EPHB2: variants seen among roughly 807,000 people sequenced by gnomAD.
The protein encoded by EPHB2 is EPH receptor B2, also known as ephrin type-B receptor 2.
EPHB2 carries 18 observed loss-of-function variants against 96.4 expected under a neutral mutation model. The observed-to-expected ratio is 0.19, with a 90% CI of 0.13 to 0.28. EPHB2 has a LOEUF of 0.28. Among genes scored for constraint, EPHB2 ranks in the 10% least tolerant of loss-of-function variants. EPHB2 has a pLI of 1.00. For missense variants in EPHB2, 989 were observed against 1,355.4 expected (o/e 0.73, Z 4.25); for synonymous variants, 506 against 534.1 (o/e 0.95, Z 0.72).
At chr1:22,864,204 C>A (rs1638385241) in intron 4 of EPHB2, among the ~76,000 whole-genome samples, 1 of 152,164 alleles carries the variant, frequency 6.6e-6, no homozygotes, top group African/African-American at 2.4e-5. Context: ...CGCCATCATG[C>A]CCGGCTAATT....
At chr1:22,814,069 G>A (rs771800643) in intron 3 of EPHB2, among the ~76,000 whole-genome samples, 3 of 152,144 alleles carry the variant, frequency 2.0e-5, no homozygotes, top group Non-Finnish European at 4.4e-5. Flanking sequence ...CTACTCAGGA[G>A]GCTGAGGCAG....
intron 3 of EPHB2, among the ~76,000 whole-genome samples, chr1:22,815,024 C>T (rs905501854): frequency 6.6e-6 from 1 of 152,236 alleles, no homozygotes; most frequent in Admixed American, 6.5e-5. Context: ...GCCGTCACCA[C>T]GCTGGGCAGG....
chr1:22,713,558 G>A (rs1050595843), intron 1 of EPHB2, among the ~76,000 whole-genome samples: 1 of 151,986 alleles, frequency 6.6e-6, no homozygotes, highest in Non-Finnish European at 1.5e-5. Context: ...AGGGATGGAC[G>A]GTGCTGCCTG....
intron 3 of EPHB2, among the ~76,000 whole-genome samples, chr1:22,802,972 A>G (rs1316035375): frequency 1.3e-5 from 2 of 152,086 alleles, no homozygotes; most frequent in Admixed American, 6.5e-5. Flanking sequence ...AGTAAGGACT[A>G]TGGGGACCCA....
intron 1 of EPHB2, among the ~76,000 whole-genome samples, chr1:22,716,417 C>T (rs557033374): frequency 1.3e-5 from 2 of 152,204 alleles, no homozygotes; most frequent in Middle Eastern, 3.4e-3. Flanking sequence ...CTGTAACCTC[C>T]GCCTCCCGGG....
intron 3 of EPHB2, among the ~76,000 whole-genome samples, chr1:22,816,070 G>A (rs899299249): frequency 6.6e-6 from 1 of 152,046 alleles, no homozygotes. Context: ...CTATACAATG[G>A]GACTTAGACC....
chr1:22,804,158 T>G (rs537299923), intron 3 of EPHB2, among the ~76,000 whole-genome samples: 24 of 152,168 alleles, frequency 1.6e-4, no homozygotes, highest in Non-Finnish European at 3.2e-4. Flanking sequence ...AGGACCGCAT[T>G]AGACCTTTCC....
At chr1:22,712,608 C>T (rs1225742538) in intron 1 of EPHB2, among the ~76,000 whole-genome samples, 1 of 152,184 alleles carries the variant, frequency 6.6e-6, no homozygotes, top group Non-Finnish European at 1.5e-5. Flanking sequence ...ATGGCAGCCA[C>T]AGTTTCTGGC....
intron 3 of EPHB2, among the ~76,000 whole-genome samples, chr1:22,807,828 G>A (rs1302344676): frequency 3.9e-5 from 6 of 152,168 alleles, no homozygotes; most frequent in Admixed American, 1.3e-4. Context: ...CAAAGGCCAG[G>A]GGCATAAAAG....
chr1:22,804,117 G>A (rs1318026229), intron 3 of EPHB2, among the ~76,000 whole-genome samples: 1 of 152,158 alleles, frequency 6.6e-6, no homozygotes, highest in Non-Finnish European at 1.5e-5. Context: ...CGGTCTCACA[G>A]AGCACATTAA....
At chr1:22,878,418 T>C (rs929771386) in intron 5 of EPHB2, among the ~76,000 whole-genome samples, 1 of 152,242 alleles carries the variant, frequency 6.6e-6, no homozygotes, top group Non-Finnish European at 1.5e-5. Context: ...TGAAAAACAG[T>C]ATGCTTCCTC....
chr1:22,767,795 T>C (rs1644327848), intron 1 of EPHB2, among the ~76,000 whole-genome samples: 1 of 152,192 alleles, frequency 6.6e-6, no homozygotes, highest in African/African-American at 2.4e-5. Context: ...TTCCAGAAGC[T>C]GGCTCTTTAG....
rs777839383 is a variant in EPHB2, at chr1:22,895,570, G to A, written c.1690G>A (p.Val564Met). 33 of 1,614,114 alleles carry A rather than the reference G, an allele frequency of 2.0e-5. No homozygotes were observed. Among genetic ancestry groups the A allele is most frequent in the South Asian group, 3.3e-5 (3 of 91,090 alleles). ...CATTGCTGTGGTTGTCATCGCCATC[G>A]TGTGTAACAGGTGGGTGGGGTCTCC... ...FLIAVVVIAIVCNRRGFERAD... is the reference protein window; with the variant it reads ...FLIAVVVIAIMCNRRGFERAD... The change falls in exon 8 of 16, where the codon GTG becomes ATG. Residue 564 changes from valine to methionine, a missense_variant. Physicochemically the swap from Val to Met is conservative, Grantham distance 21. Coordinates refer to ENST00000374630, the MANE Select transcript of EPHB2 (RefSeq NM_017449.5).
At chr1:22,842,478 C>A (rs1645484244) in intron 3 of EPHB2, among the ~76,000 whole-genome samples, 1 of 152,068 alleles carries the variant, frequency 6.6e-6, no homozygotes, top group South Asian at 2.1e-4. Context: ...CGTGCCTGAA[C>A]CATGGTGCAG....
intron 1 of EPHB2, among the ~76,000 whole-genome samples, chr1:22,768,945 T>C (rs1644342761): frequency 6.6e-6 from 1 of 152,200 alleles, no homozygotes; most frequent in South Asian, 2.1e-4. Flanking sequence ...AAGTCTCCTC[T>C]AACCTCCAGG....
At chr1:22,714,270 C>A (rs984540830) in intron 1 of EPHB2, among the ~76,000 whole-genome samples, 2 of 152,160 alleles carry the variant, frequency 1.3e-5, no homozygotes, top group Admixed American at 6.5e-5. Context: ...AGGGTTATTT[C>A]ATCTTTTATG....
intron 1 of EPHB2, among the ~76,000 whole-genome samples, chr1:22,771,807 A>C (rs1477711010): frequency 6.6e-6 from 1 of 152,184 alleles, no homozygotes; most frequent in East Asian, 1.9e-4. Flanking sequence ...AAAGGCTTTA[A>C]AAATTAAAGA....
chr1:22,874,263 C>T (rs1055773179), intron 5 of EPHB2, among the ~76,000 whole-genome samples: 2 of 152,212 alleles, frequency 1.3e-5, no homozygotes, highest in Non-Finnish European at 2.9e-5. Flanking sequence ...CTTCCTTGCC[C>T]ATTCACAGAG....
chr1:22,885,224 C>CA (rs11435992), intron 6 of EPHB2, among the ~76,000 whole-genome samples: 70,232 of 149,550 alleles, frequency 0.47, 16,664 homozygotes, highest in Non-Finnish European at 0.51. Context: ...CCCCAAAAGG[C>CA]AAAAAAAAAA....
Sources: gnomAD v4.1 joint callset for allele counts (sites outside exome capture counted in the v4.1 genomes callset) on GRCh38, gnomAD v4.1.1 for gene constraint, MANE v1.5 for transcripts, NCBI Gene and HGNC (gene_info 2026-07-23, HGNC 2026-07-21) for gene names.